RBM47: variants seen among roughly 807,000 people sequenced by gnomAD.
The protein encoded by RBM47 is RNA binding motif protein 47.
Under a neutral mutation model 47.1 loss-of-function variants are expected in RBM47, and 21 were observed. The ratio of observed to expected loss-of-function variants is 0.45; its 90% confidence interval spans 0.32 to 0.64. The LOEUF (loss-of-function observed/expected upper bound fraction) is 0.64. Among genes scored for constraint, RBM47 ranks in the 30% least tolerant of loss-of-function variants. The pLI, the probability that RBM47 is intolerant of heterozygous loss-of-function variation, is 0.05. For missense variants in RBM47, 708 were observed against 870.9 expected (o/e 0.81, Z 2.35); for synonymous variants, 375 against 361.7 (o/e 1.04, Z -0.42).
chr4:40,533,345 A>G (rs545979660), intron 2 of RBM47, among the ~76,000 whole-genome samples: 8 of 151,516 alleles, frequency 5.3e-5, no homozygotes, highest in African/African-American at 1.9e-4. Context: ...GAGGCAGGAG[A>G]GTCACTTGAA....
intron 3 of RBM47, among the ~76,000 whole-genome samples, chr4:40,443,892 C>A (rs1714092530): frequency 6.6e-6 from 1 of 151,796 alleles, no homozygotes; most frequent in Non-Finnish European, 1.5e-5. Context: ...ATGCCAAACA[C>A]TTAGATATAT....
intron 2 of RBM47, among the ~76,000 whole-genome samples, chr4:40,508,006 C>T (rs908758504): frequency 1.4e-4 from 21 of 152,232 alleles, no homozygotes; most frequent in African/African-American, 4.8e-4. Flanking sequence ...GCGGAGGTTG[C>T]GGTGAGCCGA....
chr4:40,593,969 T>C (rs1273508465), intron 1 of RBM47, among the ~76,000 whole-genome samples: 2 of 151,090 alleles, frequency 1.3e-5, no homozygotes, highest in East Asian at 3.9e-4. Flanking sequence ...GGAGAATCGA[T>C]TGAACCCAGG....
chr4:40,474,312 C>G (rs890461734), intron 2 of RBM47, among the ~76,000 whole-genome samples: 3 of 152,288 alleles, frequency 2.0e-5, no homozygotes, highest in African/African-American at 7.2e-5. Context: ...AGCAAGCGTT[C>G]TCCATCGTGA....
chr4:40,503,458 CAG>C (rs1409449718), intron 2 of RBM47, among the ~76,000 whole-genome samples: 1 of 152,066 alleles, frequency 6.6e-6, no homozygotes, highest in Non-Finnish European at 1.5e-5. Context: ...TGAAAAGATG[CAG>C]AGGATTCCAG....
intron 1 of RBM47, among the ~76,000 whole-genome samples, chr4:40,570,116 G>A (rs372745467): frequency 6.6e-6 from 1 of 152,018 alleles, no homozygotes; most frequent in South Asian, 2.1e-4. Flanking sequence ...AACCTTTTTG[G>A]CACCAGGGAC....
intron 2 of RBM47, chr4:40,491,790 G>T: frequency 4.7e-6 from 1 of 211,022 alleles, no homozygotes. Context: ...CACACGATGT[G>T]CCACCGCTGT....
chr4:40,621,845 T>TTGCGA (rs1472242970), intron 1 of RBM47, among the ~76,000 whole-genome samples: 1 of 152,216 alleles, frequency 6.6e-6, no homozygotes, highest in Non-Finnish European at 1.5e-5. Context: ...GCTGAAACGA[T>TTGCGA]TGCGACATCC....
chr4:40,505,676 A>G (rs1330107715), intron 2 of RBM47, among the ~76,000 whole-genome samples: 1 of 151,744 alleles, frequency 6.6e-6, no homozygotes, highest in Non-Finnish European at 1.5e-5. Flanking sequence ...TCACGAGGTC[A>G]GGAGTTCGAG....
chr4:40,571,488 A>G (rs1731703135), intron 1 of RBM47, among the ~76,000 whole-genome samples: 1 of 152,096 alleles, frequency 6.6e-6, no homozygotes, highest in Admixed American at 6.5e-5. Context: ...GTGAAAAATT[A>G]AACCACAAAG....
intron 2 of RBM47, among the ~76,000 whole-genome samples, chr4:40,520,658 TG>T (rs1726107668): frequency 6.6e-6 from 1 of 152,236 alleles, no homozygotes; most frequent in Non-Finnish European, 1.5e-5. Context: ...GGTTTAGGAA[TG>T]CCCATGAATC....
chr4:40,592,699 C>T lies in RBM47; in HGVS notation c.-240+36697G>A, dbSNP rs531506915. Among the ~76,000 whole-genome samples, 17 of 151,172 alleles carry T rather than the reference C, an allele frequency of 1.1e-4. No homozygotes were observed. In the East Asian group the frequency reaches 3.1e-3, roughly 28 times the overall value. ...TCAGCCTCCCAAAGTGCTGGGATTACAGGCATGAGCCACCGCGCCTGGCCA... is the reference window on the plus strand; with the variant it reads ...TCAGCCTCCCAAAGTGCTGGGATTATAGGCATGAGCCACCGCGCCTGGCCA... On this transcript the variant is annotated intron_variant, in intron 1 of 6. Transcript: ENST00000295971.
chr4:40,572,870 G>T (rs886735935), intron 1 of RBM47, among the ~76,000 whole-genome samples: 11 of 151,664 alleles, frequency 7.3e-5, no homozygotes, highest in African/African-American at 2.7e-4. Context: ...TGCAGAAGTG[G>T]GCCGGATGCG....
At chr4:40,525,401 TCA>T (rs1726602577) in intron 2 of RBM47, among the ~76,000 whole-genome samples, 2 of 152,156 alleles carry the variant, frequency 1.3e-5, no homozygotes, top group Non-Finnish European at 2.9e-5. Flanking sequence ...GGGTTGCAGA[TCA>T]CAGAGTGAGA....
Position 40,438,657 on chromosome 4 carries a change from C to CG in RBM47, c.236dup (p.Arg80AlafsTer28). ...CCAGCTCGTCCTCGTACACGTCGCG[C>CG]GGGATCTTGCCCACGAAGACCTCGC... On this transcript the variant is annotated frameshift_variant, in exon 4 of 7. Transcript: ENST00000295971. LOFTEE classifies it high-confidence loss of function. The CG allele has an allele frequency of 1.2e-6, 2 of 1,612,354 alleles. No individual in the cohort carries two copies. The highest frequency in any genetic ancestry group is 1.7e-6 in the Non-Finnish European group (2 of 1,179,034).
intron 1 of RBM47, among the ~76,000 whole-genome samples, chr4:40,615,215 G>A (rs758196939): frequency 2.0e-5 from 3 of 152,144 alleles, no homozygotes; most frequent in East Asian, 1.9e-4. Context: ...GGGCGTGGTG[G>A]CTCACTTGAG....
At chr4:40,505,922 C>A (rs1184429715) in intron 2 of RBM47, among the ~76,000 whole-genome samples, 1 of 150,838 alleles carries the variant, frequency 6.6e-6, no homozygotes, top group Non-Finnish European at 1.5e-5. Context: ...AAACAAAAAA[C>A]AAAAAAACTT....
At chr4:40,555,004 C>T (rs1293715835) in intron 1 of RBM47, among the ~76,000 whole-genome samples, 5 of 152,166 alleles carry the variant, frequency 3.3e-5, no homozygotes, top group East Asian at 1.9e-4. Flanking sequence ...GGCGCGATCT[C>T]GGCTCACTGC....
At position 40,629,527 on chromosome 4, in the gene RBM47, A is replaced by C. The variant is rs1738037264; in HGVS notation, c.-371T>G. 1 of 152,120 alleles carries C rather than the reference A, an allele frequency of 6.6e-6. No individual in the cohort carries two copies. The highest frequency in any genetic ancestry group is 1.5e-5 in the Non-Finnish European group (1 of 68,044). The allele number at this position is 152,120 out of a possible 1,614,324, so 9.4% of individuals were successfully genotyped here. The stretch of plus-strand genomic sequence containing the variant: ...CGCCTTCTTTTTAATGTAAAACCAA[A>C]ATAAGGAGTGTCCAGCGACTCCCCA... On this transcript the variant is annotated 5_prime_UTR_variant, in exon 1 of 7. In the 5' UTR this introduces an upstream ATG that the reference lacks. Coordinates refer to ENST00000295971, the MANE Select transcript of RBM47 (RefSeq NM_001098634.2).
Sources: allele counts gnomAD v4.1 joint callset (sites outside exome capture counted in the v4.1 genomes callset), GRCh38; gene constraint gnomAD v4.1.1; transcripts MANE v1.5; gene names NCBI Gene and HGNC (gene_info 2026-07-23, HGNC 2026-07-21).